Variants in KCNMA1 observed in about 807,000 individuals in gnomAD.
KCNMA1 encodes potassium calcium-activated channel subfamily M alpha 1.
In KCNMA1, 29 loss-of-function variants were observed where a neutral mutation model predicts 140.0. The ratio of observed to expected loss-of-function variants is 0.21; its 90% CI spans 0.15 to 0.28. KCNMA1 has a LOEUF of 0.28. Ranked by LOEUF, KCNMA1 falls within the 10% of genes least tolerant of loss-of-function variation. The pLI is 1.00. For missense variants in KCNMA1, 880 were observed against 1,602.2 expected (o/e 0.55, Z 7.70); for synonymous variants, 612 against 611.9 (o/e 1.00, Z 0.00).
chr10:77,332,588 T>A (rs895883633), intron 2 of KCNMA1, among the ~76,000 whole-genome samples: 9 of 33,172 alleles, frequency 2.7e-4, no homozygotes, highest in Admixed American at 1.9e-3. Context: ...TGGACAGCCC[T>A]GCCATCTGCT....
intron 14 of KCNMA1, among the ~76,000 whole-genome samples, chr10:77,053,991 A>G (rs1224669332): frequency 1.3e-5 from 2 of 152,062 alleles, no homozygotes; most frequent in African/African-American, 4.8e-5. Context: ...CCTGCTGCCC[A>G]CTGCACAGCC....
At chr10:77,118,907 T>C (rs530474512) in intron 6 of KCNMA1, among the ~76,000 whole-genome samples, 1 of 152,388 alleles carries the variant, frequency 6.6e-6, no homozygotes, top group South Asian at 2.1e-4. Flanking sequence ...CATCTGGTTA[T>C]GACCATAAGT....
intron 1 of KCNMA1, among the ~76,000 whole-genome samples, chr10:77,473,216 A>G (rs1329835519): frequency 6.6e-6 from 1 of 152,204 alleles, no homozygotes; most frequent in Non-Finnish European, 1.5e-5. Context: ...AGGCCAGTTG[A>G]CTTCAACTGG....
At chr10:77,209,567 A>G (rs936817717) in intron 3 of KCNMA1, among the ~76,000 whole-genome samples, 11 of 152,170 alleles carry the variant, frequency 7.2e-5, no homozygotes, top group Admixed American at 1.3e-4. Flanking sequence ...TCTGTTCTCC[A>G]CATTAAAATA....
intron 1 of KCNMA1, among the ~76,000 whole-genome samples, chr10:77,607,624 T>C (rs2154567406): frequency 6.6e-6 from 1 of 152,110 alleles, no homozygotes; most frequent in East Asian, 1.9e-4. Context: ...TGGAGCAATG[T>C]GCTTTGGATA....
intron 3 of KCNMA1, among the ~76,000 whole-genome samples, chr10:77,239,942 G>A (rs1281674507): frequency 6.6e-6 from 1 of 152,190 alleles, no homozygotes; most frequent in Non-Finnish European, 1.5e-5. Context: ...ACATATGCTA[G>A]AAACTAAATC....
intron 14 of KCNMA1, among the ~76,000 whole-genome samples, chr10:77,054,526 C>T (rs1243988740): frequency 6.6e-6 from 1 of 152,052 alleles, no homozygotes; most frequent in African/African-American, 2.4e-5. Flanking sequence ...TATCTACTTA[C>T]AGGGTATGGA....
intron 15 of KCNMA1, 143 bp from the exon 16 acceptor site, chr10:77,028,034 G>T: frequency 7.8e-6 from 6 of 770,070 alleles, no homozygotes; most frequent in Non-Finnish European, 1.4e-5. Flanking sequence ...CAAAGGGAGG[G>T]GGTGGAAGCA....
chr10:77,278,255 T>C (rs1235377022), intron 2 of KCNMA1, among the ~76,000 whole-genome samples: 1 of 152,196 alleles, frequency 6.6e-6, no homozygotes, highest in African/African-American at 2.4e-5. Flanking sequence ...GTATTTTTTC[T>C]GATGGAGAGA....
At chr10:77,153,637 C>T (rs1042962964) in intron 5 of KCNMA1, among the ~76,000 whole-genome samples, 1 of 152,222 alleles carries the variant, frequency 6.6e-6, no homozygotes, top group Non-Finnish European at 1.5e-5. Flanking sequence ...TGCTGGATTA[C>T]AGGCATGAGC....
intron 1 of KCNMA1, among the ~76,000 whole-genome samples, chr10:77,593,346 C>T (rs901669855): frequency 5.3e-5 from 8 of 152,182 alleles, no homozygotes; most frequent in Non-Finnish European, 8.8e-5. Flanking sequence ...TAAAGCGATA[C>T]ATTTGGATTA....
chr10:77,008,791 T>C (rs2089936470), intron 18 of KCNMA1, among the ~76,000 whole-genome samples: 1 of 152,196 alleles, frequency 6.6e-6, no homozygotes, highest in South Asian at 2.1e-4. Flanking sequence ...GATGAGTATG[T>C]GGGTCAGCTG....
intron 23 of KCNMA1, among the ~76,000 whole-genome samples, chr10:76,933,125 C>T (rs2059683363): frequency 6.6e-6 from 1 of 152,134 alleles, no homozygotes; most frequent in South Asian, 2.1e-4. Flanking sequence ...TTGTCCAGTG[C>T]CCAGTTGTCA....
chr10:77,181,717 T>A (rs1327379698), intron 5 of KCNMA1, among the ~76,000 whole-genome samples: 2 of 151,950 alleles, frequency 1.3e-5, no homozygotes, highest in Non-Finnish European at 2.9e-5. Flanking sequence ...ACTAGCCTCA[T>A]CAGGATAAGG....
chr10:77,294,655 A>G (rs922480023), intron 2 of KCNMA1, among the ~76,000 whole-genome samples: 6 of 152,220 alleles, frequency 3.9e-5, no homozygotes, highest in Non-Finnish European at 5.9e-5. Context: ...ACAGTGACTC[A>G]CGCCTGTAAT....
At chr10:77,241,270 T>C (rs2057196153) in intron 3 of KCNMA1, among the ~76,000 whole-genome samples, 1 of 152,178 alleles carries the variant, frequency 6.6e-6, no homozygotes, top group African/African-American at 2.4e-5. Flanking sequence ...GCCACTGTAC[T>C]TATGGGACAC....
chr10:77,099,708 C>T lies in KCNMA1; in HGVS notation c.1223+8773G>A, dbSNP rs1259628906. 7.6e-5 allele frequency among the ~76,000 whole-genome samples: 9 copies of T among 119,204 alleles called. No individual in the cohort carries two copies. The South Asian group carries it at 2.8e-3, about 37-fold the overall frequency. 78.2% of individuals were successfully genotyped at this position (119,204 alleles called of 152,430 possible). ...CAGCCTGGGCAACAAGAGCAAAACT[C>T]CATCTCAAAAAAAAAAAAAAAGAAA... On this transcript the variant is annotated intron_variant, in intron 9 of 27. Transcript: ENST00000286628.
chr10:76,957,275 G>A (rs1053974463), intron 20 of KCNMA1, among the ~76,000 whole-genome samples: 1 of 151,904 alleles, frequency 6.6e-6, no homozygotes, highest in Non-Finnish European at 1.5e-5. Flanking sequence ...GCCAAATAAT[G>A]GCACCTAAAA....
intron 2 of KCNMA1, among the ~76,000 whole-genome samples, chr10:77,343,335 CT>C (rs1249721647): frequency 1.3e-5 from 2 of 152,060 alleles, no homozygotes; most frequent in Non-Finnish European, 2.9e-5. Context: ...TGCCATTGTC[CT>C]GATTGTATAG....
Sources: allele counts gnomAD v4.1 joint callset (sites outside exome capture counted in the v4.1 genomes callset), GRCh38; gene constraint gnomAD v4.1.1; transcripts MANE v1.5; gene names NCBI Gene and HGNC (gene_info 2026-07-23, HGNC 2026-07-21).